PCDHA10: variants seen among roughly 807,000 people sequenced by gnomAD.
The protein encoded by PCDHA10 is protocadherin alpha-10.
In PCDHA10, 45 loss-of-function variants were observed where a neutral mutation model predicts 61.2. That is an observed-to-expected ratio of 0.74 (90% CI 0.58 to 0.94). PCDHA10 has a LOEUF of 0.94. PCDHA10 is among the 40% of genes least tolerant of loss of function. PCDHA10 has a pLI of 0.00. For synonymous variants in PCDHA10, 602 were observed against 548.8 expected (o/e 1.10, Z -1.35); for missense variants, 1,278 against 1,236.2 (o/e 1.03, Z -0.51).
In PCDHA10 at chr5:140,935,762, C is replaced by T. The variant is rs187194530; in HGVS notation, c.2389-43187C>T. Among the ~76,000 whole-genome samples the T allele has an allele frequency of 2.5e-3, 386 of 152,162 alleles. 3 individuals are homozygous for T. The highest frequency in any genetic ancestry group is 0.018 in the South Asian group (87 of 4,822). On this transcript the variant is annotated intron_variant, in intron 1 of 3. Transcript: ENST00000307360. ...TTATTCCATACAATACACATTCTTC[C>T]CCACTTTGAGTTTTTTCACTTAAAA... is the stretch of plus-strand genomic sequence containing the variant.
intron 1 of PCDHA10, among the ~76,000 whole-genome samples, chr5:140,941,301 TTTC>T (rs1554214297): frequency 1.4e-5 from 2 of 143,748 alleles, no homozygotes; most frequent in African/African-American, 2.6e-5. Flanking sequence ...TCTTTCTTTC[TTTC>T]TTTTTCTTCT....
At chr5:140,871,549 T>C (rs1554165727) in intron 1 of PCDHA10, 6 of 1,496,034 alleles carry the variant, frequency 4.0e-6, no homozygotes, top group Non-Finnish European at 5.4e-6. Flanking sequence ...TTATTTAAAA[T>C]CCAGTTTTTT....
chr5:140,966,599 C>T, intron 1 of PCDHA10: 1 of 631,096 alleles, frequency 1.6e-6, no homozygotes, highest in Non-Finnish European at 2.4e-6. Context: ...GGCCAGGAGC[C>T]CTTGGGAGGG....
At chr5:140,876,602 G>C (rs572945874) in intron 1 of PCDHA10, 2 of 1,614,180 alleles carry the variant, frequency 1.2e-6, no homozygotes, top group Non-Finnish European at 1.7e-6. Flanking sequence ...GTGTCGGATC[G>C]TGACTCTGGA....
intron 1 of PCDHA10, chr5:140,882,138 T>C: frequency 6.7e-7 from 1 of 1,489,248 alleles, no homozygotes; most frequent in South Asian, 1.4e-5. Context: ...CTGCAGAAAA[T>C]ATAGCAGAAA....
chr5:140,879,491 T>G (rs2153367311), intron 1 of PCDHA10, among the ~76,000 whole-genome samples: 1 of 152,338 alleles, frequency 6.6e-6, no homozygotes. Flanking sequence ...AATATGGGTC[T>G]GGATCTCAGA....
At chr5:140,990,858 T>C (rs1243458417) in intron 3 of PCDHA10, among the ~76,000 whole-genome samples, 2 of 152,172 alleles carry the variant, frequency 1.3e-5, no homozygotes, top group African/African-American at 2.4e-5. Flanking sequence ...CCTGAGGACA[T>C]TGTATTTTAA....
In PCDHA10 at chr5:140,986,535, G is replaced by A. The variant is rs552843991; in HGVS notation, c.2536+3972G>A. Among the ~76,000 whole-genome samples, 134 of 152,300 alleles carry A rather than the reference G, an allele frequency of 8.8e-4. 1 individual carries two copies. Among genetic ancestry groups the A allele is most frequent in the Non-Finnish European group, 1.4e-3 (98 of 68,024 alleles). Reference sequence around the variant, plus strand: ...CCCTGCCTGTGAGGGAACTGGCCTGGCTTCAGTGGGCCAGGCTGCTTTGTT... The same window carrying A: ...CCCTGCCTGTGAGGGAACTGGCCTGACTTCAGTGGGCCAGGCTGCTTTGTT... On this transcript the variant is annotated intron_variant, in intron 3 of 3. Transcript: ENST00000307360.
In PCDHA10 at chr5:141,009,718, A is replaced by G. The variant is rs2098413942; in HGVS notation, c.2628A>G (p.Gln876=). Residue 876 remains glutamine, a synonymous_variant, in exon 4 of 4, where the codon CAA becomes CAG. Transcript: ENST00000307360. ...TFKYGPGNPK[Q]SGPGELPDKF... ...AATACGGACCAGGCAACCCCAAACA[A>G]TCCGGTCCCGGTGAGTTGCCCGACA... The G allele has an allele frequency of 1.2e-6, 2 of 1,614,044 alleles. No homozygotes were observed. The highest frequency in any genetic ancestry group is 1.1e-5 in the South Asian group (1 of 91,052).
In PCDHA10 at chr5:141,011,632, C is replaced by T. The variant is rs1333162247; in HGVS notation, c.*1695C>T. Reference sequence around the variant, plus strand: ...TTTATGGTCCAGCCAAGAGCCATCTCGTGCCAAGACTTCTGCTGGCAAGGG... The same window carrying T: ...TTTATGGTCCAGCCAAGAGCCATCTTGTGCCAAGACTTCTGCTGGCAAGGG... On this transcript the variant is annotated 3_prime_UTR_variant, in exon 4 of 4. Transcript: ENST00000307360. The T allele has an allele frequency of 1.3e-5, 2 of 153,656 alleles. No homozygotes were observed. The highest frequency in any genetic ancestry group is 4.8e-5 in the African/African-American group (2 of 41,412). 9.5% of individuals were successfully genotyped at this position (153,656 alleles called of 1,614,324 possible).
intron 1 of PCDHA10, chr5:140,883,386 G>C (rs1554177993): frequency 6.2e-7 from 1 of 1,614,138 alleles, no homozygotes; most frequent in South Asian, 1.1e-5. Context: ...GCCCTAATCA[G>C]TGTGTCCGAT....
rs17844346 is a variant in PCDHA10 at position 140,857,813 on chromosome 5, G to T, written c.1765G>T (p.Val589Leu). The change falls in exon 1 of 4, where the codon GTG becomes TTG. Residue 589 changes from valine to leucine, a missense_variant. Val to Leu is a conservative substitution (Grantham distance 32). Transcript: ENST00000307360. Reference sequence around the variant, plus strand: ...GCTGCGGTCGGTGGTTGCGGGTCACGTGGTGGCTAAGGTGCGCGCAGTGGA... The same window carrying T: ...GCTGCGGTCGGTGGTTGCGGGTCACTTGGTGGCTAAGGTGCGCGCAGTGGA... ...LVLRSVVAGH[V>L]VAKVRAVDAD... 43 of 1,597,700 alleles carry T rather than the reference G, an allele frequency of 2.7e-5. 5 individuals are homozygous for T. The highest frequency in any genetic ancestry group is 1.8e-4 in the East Asian group (8 of 44,836).
intron 1 of PCDHA10, chr5:140,968,750 G>A: frequency 6.2e-7 from 1 of 1,614,144 alleles, no homozygotes; most frequent in Non-Finnish European, 8.5e-7. Context: ...GACCGTGGTG[G>A]TCCGAGATAA....
chr5:140,946,631 T>TATATATATATAC (rs57893927), intron 1 of PCDHA10, among the ~76,000 whole-genome samples: 3,699 of 131,684 alleles, frequency 0.028, 186 homozygotes, highest in East Asian at 0.064. Flanking sequence ...TATATATATA[T>TATATATATATAC]ACAATGGAAT....
At chr5:140,962,270 A>T (rs2095668540) in intron 1 of PCDHA10, among the ~76,000 whole-genome samples, 1 of 152,210 alleles carries the variant, frequency 6.6e-6, no homozygotes, top group African/African-American at 2.4e-5. Context: ...TTTATAATTT[A>T]AAAAACCTCA....
At chr5:141,006,353 A>G (rs2098269096) in intron 3 of PCDHA10, among the ~76,000 whole-genome samples, 1 of 151,784 alleles carries the variant, frequency 6.6e-6, no homozygotes, top group Admixed American at 6.6e-5. Flanking sequence ...CTGGGACTAT[A>G]GGCGCCCACC....
At chr5:140,883,483 C>T (rs1554178423) in intron 1 of PCDHA10, 2 of 1,614,078 alleles carry the variant, frequency 1.2e-6, no homozygotes, top group African/African-American at 2.7e-5. Flanking sequence ...AGAACTACTA[C>T]TCATTAGTGC....
chr5:140,926,967 A>G (rs782296182), intron 1 of PCDHA10: 4 of 1,606,666 alleles, frequency 2.5e-6, no homozygotes, highest in Middle Eastern at 1.7e-4. Context: ...TCGAGTACTC[A>G]GTGCCGGAGG....
chr5:140,898,505 T>A (rs1367691811), intron 1 of PCDHA10, among the ~76,000 whole-genome samples: 1 of 152,202 alleles, frequency 6.6e-6, no homozygotes, highest in East Asian at 1.9e-4. Flanking sequence ...GTTGTAGATA[T>A]GCGGCGTTAT....
Sources: allele counts gnomAD v4.1 joint callset (sites outside exome capture counted in the v4.1 genomes callset), GRCh38; gene constraint gnomAD v4.1.1; transcripts MANE v1.5; gene names NCBI Gene and HGNC (gene_info 2026-07-23, HGNC 2026-07-21).